Variants in PDE4D observed in about 807,000 individuals in gnomAD.
PDE4D encodes phosphodiesterase 4D.
A neutral mutation model predicts 87.4 loss-of-function variants in PDE4D; 24 were observed. The ratio of observed to expected loss-of-function variants is 0.27; its 90% CI spans 0.20 to 0.39. PDE4D has a LOEUF of 0.39. PDE4D is among the 10% of genes least tolerant of loss of function. The pLI is 1.00. For synonymous variants in PDE4D, 384 were observed against 383.2 expected, an observed-to-expected ratio of 1.00 and a Z score of -0.02; for missense variants, 714 against 1,041.0, an observed-to-expected ratio of 0.69 and a Z score of 4.32.
At chr5:59,068,425 T>C (rs753355194) in intron 5 of PDE4D, among the ~76,000 whole-genome samples, 55 of 152,174 alleles carry the variant, frequency 3.6e-4, no homozygotes, top group Admixed American at 9.2e-4. Flanking sequence ...CAAAAATGTA[T>C]ATTGAGCAAT....
chr5:59,990,521 T>A (rs940793715), intron 2 of PDE4D, among the ~76,000 whole-genome samples: 4 of 124,684 alleles, frequency 3.2e-5, no homozygotes, highest in African/African-American at 1.1e-4. Context: ...AGAAGGGTAC[T>A]GAGAAGATTT....
At chr5:59,592,867 A>G (rs1722544950) in intron 1 of PDE4D, among the ~76,000 whole-genome samples, 2 of 152,226 alleles carry the variant, frequency 1.3e-5, no homozygotes, top group African/African-American at 4.8e-5. Context: ...TCTGCCTTTT[A>G]CTTTTTGTGT....
intron 1 of PDE4D, among the ~76,000 whole-genome samples, chr5:59,643,825 C>G (rs1163365221): frequency 6.6e-6 from 1 of 152,130 alleles, no homozygotes. Context: ...TTAAAGTTTT[C>G]CTAACATGTG....
Position 60,052,035 on chromosome 5 carries a change from G to A in PDE4D, c.43-63318C>T, listed in dbSNP as rs535181605. 3.3e-5 allele frequency among the ~76,000 whole-genome samples: 5 copies of A among 152,250 alleles called. No individual in the cohort carries two copies. In the East Asian group the frequency reaches 9.6e-4, roughly 29 times the overall value. ...ATAGACCAATACAAAGTTCTGAATT[G>A]AGGCAGTAATTAATAGCTTACCAAT... On this transcript the variant is annotated intron_variant, in intron 2 of 16. Coordinates refer to the PDE4D transcript ENST00000502484.
chr5:59,200,057 G>GTATGTAGACATA (rs1746539350), intron 2 of PDE4D, among the ~76,000 whole-genome samples: 3 of 148,350 alleles, frequency 2.0e-5, no homozygotes, highest in Non-Finnish European at 3.0e-5. Context: ...GTACACACAT[G>GTATGTAGACATA]CATGTACACA....
chr5:60,159,036 C>A (rs1230310161), intron 2 of PDE4D, among the ~76,000 whole-genome samples: 3 of 152,116 alleles, frequency 2.0e-5, no homozygotes, highest in African/African-American at 7.2e-5. Context: ...AGAATATTTT[C>A]TTTCTTTATA....
chr5:60,049,869 C>G (rs1197941208), intron 2 of PDE4D, among the ~76,000 whole-genome samples: 1 of 152,216 alleles, frequency 6.6e-6, no homozygotes, highest in African/African-American at 2.4e-5. Context: ...GCAGGCAGGC[C>G]TCCTTGAGCT....
rs114042918 is a variant in PDE4D at position 59,077,878 on chromosome 5, A to C, written c.809-38907T>G. 9.7e-3 allele frequency among the ~76,000 whole-genome samples: 1,471 copies of C among 152,226 alleles called. 27 individuals carry two copies. Among genetic ancestry groups the C allele is most frequent in the African/African-American group, 0.033 (1,351 of 41,522 alleles). ...CATAAGAACAACAAAGACAAAAACC[A>C]TTTTGGTAGTGTATACTGCAGATTT... On this transcript the variant is annotated intron_variant, in intron 5 of 14. Coordinates refer to ENST00000340635, the MANE Select transcript of PDE4D (RefSeq NM_001104631.2).
chr5:60,056,904 T>C (rs917589741), intron 2 of PDE4D, among the ~76,000 whole-genome samples: 2 of 152,034 alleles, frequency 1.3e-5, no homozygotes, highest in African/African-American at 4.8e-5. Context: ...TATAGCTATT[T>C]TATTCAAGAT....
At chr5:59,991,203 G>A (rs1469441254) in intron 2 of PDE4D, among the ~76,000 whole-genome samples, 1 of 152,086 alleles carries the variant, frequency 6.6e-6, no homozygotes, top group Non-Finnish European at 1.5e-5. Context: ...TAATTACTCA[G>A]GTGGTCTTAA....
intron 2 of PDE4D, among the ~76,000 whole-genome samples, chr5:60,103,024 C>T (rs150301113): frequency 6.6e-6 from 1 of 151,394 alleles, no homozygotes; most frequent in Non-Finnish European, 1.5e-5. Flanking sequence ...AAAACATTAC[C>T]CACCAGGAAG....
intron 1 of PDE4D, among the ~76,000 whole-genome samples, chr5:59,670,684 A>G (rs1580307657): frequency 6.6e-6 from 1 of 152,222 alleles, no homozygotes; most frequent in Non-Finnish European, 1.5e-5. Context: ...CAACCTGTAT[A>G]TGTTAAACAT....
At chr5:60,398,625 C>A (rs913419962) in intron 1 of PDE4D, among the ~76,000 whole-genome samples, 1 of 152,144 alleles carries the variant, frequency 6.6e-6, no homozygotes, top group Non-Finnish European at 1.5e-5. Flanking sequence ...GCATTGTCAA[C>A]TGACCTCTGC....
intron 1 of PDE4D, among the ~76,000 whole-genome samples, chr5:59,521,801 T>C (rs1166117997): frequency 6.6e-6 from 1 of 152,194 alleles, no homozygotes; most frequent in Non-Finnish European, 1.5e-5. Flanking sequence ...ACCTGTCTGT[T>C]ATAATATTTG....
At chr5:59,004,398 C>G (rs1751155172) in intron 6 of PDE4D, among the ~76,000 whole-genome samples, 1 of 152,144 alleles carries the variant, frequency 6.6e-6, no homozygotes, top group Non-Finnish European at 1.5e-5. Context: ...ACATAAGGCT[C>G]TTAGAACAGT....
intron 2 of PDE4D, among the ~76,000 whole-genome samples, chr5:60,173,274 T>C (rs1783632078): frequency 6.6e-6 from 1 of 151,962 alleles, no homozygotes; most frequent in Non-Finnish European, 1.5e-5. Context: ...TCACCTAATC[T>C]GTCTAAGGCT....
intron 1 of PDE4D, among the ~76,000 whole-genome samples, chr5:59,376,585 A>C (rs920703901): frequency 2.0e-5 from 3 of 152,206 alleles, no homozygotes; most frequent in Admixed American, 1.3e-4. Context: ...GAAAGAATCC[A>C]TATTGTTAAA....
intron 1 of PDE4D, among the ~76,000 whole-genome samples, chr5:60,436,235 A>C (rs1464151107): frequency 6.6e-6 from 1 of 152,106 alleles, no homozygotes; most frequent in East Asian, 1.9e-4. Context: ...ATTTATTAGG[A>C]ACAAGAAATG....
chr5:60,189,226 T>G (rs896041702), intron 1 of PDE4D, among the ~76,000 whole-genome samples: 2 of 152,180 alleles, frequency 1.3e-5, no homozygotes, highest in African/African-American at 4.8e-5. Flanking sequence ...ATAAGACAGA[T>G]AGTGCTGGAA....
Sources: gnomAD v4.1 joint callset for allele counts (sites outside exome capture counted in the v4.1 genomes callset) on GRCh38, gnomAD v4.1.1 for gene constraint, MANE v1.5 for transcripts, NCBI Gene and HGNC (gene_info 2026-07-23, HGNC 2026-07-21) for gene names.